The following SPATS2L variants were observed in gnomAD, a reference collection of about 807,000 sequenced individuals.
The protein encoded by SPATS2L is SPATS2-like protein.
Under a neutral mutation model 59.6 loss-of-function variants are expected in SPATS2L, and 30 were observed. The observed-to-expected ratio is 0.50, with a 90% CI of 0.38 to 0.68. The LOEUF (loss-of-function observed/expected upper bound fraction) is 0.68. SPATS2L is among the 30% of genes least tolerant of loss of function. The pLI is 0.00. For missense variants in SPATS2L, 615 were observed against 700.0 expected (o/e 0.88, Z 1.37); for synonymous variants, 252 against 263.5 (o/e 0.96, Z 0.42).
chr2:200,326,483 T>A (rs1020899182), intron 1 of SPATS2L, among the ~76,000 whole-genome samples: 2 of 152,354 alleles, frequency 1.3e-5, no homozygotes, highest in African/African-American at 4.8e-5. Context: ...TTAAGAAAGC[T>A]ATTTATCCAA....
intron 9 of SPATS2L, 151 bp from the exon 10 acceptor site, chr2:200,467,139 G>C: frequency 1.6e-6 from 1 of 614,742 alleles, no homozygotes; most frequent in Non-Finnish European, 3.0e-6. Context: ...TAGGCACAGA[G>C]GGTGAACCCG....
intron 12 of SPATS2L, among the ~76,000 whole-genome samples, chr2:200,473,869 G>A (rs1374589148): frequency 1.4e-5 from 2 of 146,152 alleles, no homozygotes; most frequent in African/African-American, 2.4e-5. Context: ...GCATGGTGGC[G>A]GGTGCCTGTA....
rs370710854 is a variant in SPATS2L, at chr2:200,472,977, G to T, written c.1206G>T (p.Ala402=). 3 of 1,613,694 alleles carry T rather than the reference G, an allele frequency of 1.9e-6. No homozygotes were observed. The highest frequency in any genetic ancestry group is 2.5e-6 in the Non-Finnish European group (3 of 1,179,854). The change falls in exon 12 of 13, where the codon GCG becomes GCT. Residue 402 remains alanine (A), a synonymous_variant. Coordinates refer to ENST00000409140, the MANE Select transcript of SPATS2L (RefSeq NM_001100423.2). ...STHNKPSEGK[A]ANPKMVSSLP... ...ACAATAAGCCCTCTGAAGGCAAAGC[G>T]GCAAACCCCAAAATGGTGAGCAGTC...
At chr2:200,411,091 T>G (rs1433049840) in intron 3 of SPATS2L, among the ~76,000 whole-genome samples, 3 of 151,296 alleles carry the variant, frequency 2.0e-5, no homozygotes, top group Admixed American at 2.0e-4. Context: ...TTATAAAATG[T>G]CAAGATTCAA....
intron 6 of SPATS2L, among the ~76,000 whole-genome samples, chr2:200,435,108 A>G (rs999143796): frequency 2.6e-5 from 4 of 152,176 alleles, no homozygotes; most frequent in Non-Finnish European, 5.9e-5. Context: ...CATTTTACAT[A>G]CTAGTTATTA....
At chr2:200,441,329 GTA>G (rs2084684204) in intron 8 of SPATS2L, among the ~76,000 whole-genome samples, 1 of 152,092 alleles carries the variant, frequency 6.6e-6, no homozygotes, top group South Asian at 2.1e-4. Flanking sequence ...TTTGAACCCT[GTA>G]TATTTGCTCA....
chr2:200,316,471 C>T (rs1426053881), intron 1 of SPATS2L, among the ~76,000 whole-genome samples: 6 of 152,212 alleles, frequency 3.9e-5, no homozygotes, highest in Non-Finnish European at 5.9e-5. Flanking sequence ...CTCCCTCATT[C>T]GCAGGATCTA....
intron 2 of SPATS2L, among the ~76,000 whole-genome samples, chr2:200,375,819 G>A (rs1315631627): frequency 1.3e-5 from 2 of 152,054 alleles, no homozygotes; most frequent in East Asian, 3.9e-4. Flanking sequence ...TAGAGACAGG[G>A]TTTCACCGTG....
chr2:200,360,985 G>GTGTGTGTGTGTGTGTGTGAC (rs2081081688), intron 2 of SPATS2L, among the ~76,000 whole-genome samples: 1 of 151,166 alleles, frequency 6.6e-6, no homozygotes, highest in Non-Finnish European at 1.5e-5. Flanking sequence ...GTGTGTGTGT[G>GTGTGTGTGTGTGTGTGTGAC]TGTGTGTGTG....
At chr2:200,412,454 A>G in intron 4 of SPATS2L, 35 bp downstream of exon 4, 1 of 1,225,414 alleles carries the variant, frequency 8.2e-7, no homozygotes, top group Non-Finnish European at 1.2e-6. Context: ...TGAAGATGTT[A>G]GACTTAAATA....
At chr2:200,379,668 T>C (rs907955246) in intron 2 of SPATS2L, among the ~76,000 whole-genome samples, 1 of 152,004 alleles carries the variant, frequency 6.6e-6, no homozygotes, top group Admixed American at 6.6e-5. Context: ...CCTCTGGGAT[T>C]TGGGATTTGC....
intron 2 of SPATS2L, among the ~76,000 whole-genome samples, chr2:200,388,823 G>A (rs891601737): frequency 1.1e-4 from 17 of 152,180 alleles, no homozygotes; most frequent in African/African-American, 3.4e-4. Flanking sequence ...TTCAATAAAT[G>A]TTTGTTAGAT....
intron 1 of SPATS2L, among the ~76,000 whole-genome samples, chr2:200,319,430 T>C (rs2079485987): frequency 6.6e-6 from 1 of 152,130 alleles, no homozygotes; most frequent in African/African-American, 2.4e-5. Context: ...CTGAGCATGG[T>C]GGCGTATGCC....
chr2:200,331,161 C>T (rs59713717), intron 2 of SPATS2L, among the ~76,000 whole-genome samples: 178 of 152,248 alleles, frequency 1.2e-3, no homozygotes, highest in African/African-American at 4.3e-3. Context: ...TGTCCGAATT[C>T]AATTATGAAG....
intron 2 of SPATS2L, among the ~76,000 whole-genome samples, chr2:200,354,646 T>G (rs2080853440): frequency 6.6e-6 from 1 of 151,974 alleles, no homozygotes; most frequent in African/African-American, 2.4e-5. Context: ...TTCTTCCCAC[T>G]TACCCACTTC....
intron 3 of SPATS2L, among the ~76,000 whole-genome samples, chr2:200,400,522 C>A (rs2082492827): frequency 6.6e-6 from 1 of 152,108 alleles, no homozygotes; most frequent in Non-Finnish European, 1.5e-5. Context: ...ATTTAAACTT[C>A]CCAGTGTCAG....
intron 2 of SPATS2L, among the ~76,000 whole-genome samples, chr2:200,332,646 T>C (rs544193923): frequency 6.6e-6 from 1 of 152,246 alleles, no homozygotes; most frequent in African/African-American, 2.4e-5. Flanking sequence ...ATCTAGTAAT[T>C]TAATGAACTT....
At chr2:200,459,871 C>G in intron 9 of SPATS2L, 44 bp downstream of exon 9, 1 of 1,412,992 alleles carries the variant, frequency 7.1e-7, no homozygotes, top group East Asian at 2.3e-5. Context: ...GCTTCCCAAT[C>G]AGAAGCAATC....
At position 200,342,985 on chromosome 2, in the gene SPATS2L, T is replaced by C. The variant is rs971241544; in HGVS notation, c.-23+13505T>C. ...ATAAAAAAATTTCAAATAAAATGTG[T>C]GGTCTGACAATACATTCTACTTTCT... On this transcript the variant is annotated intron_variant, in intron 2 of 12. Coordinates refer to ENST00000409140, the MANE Select transcript of SPATS2L (RefSeq NM_001100423.2). Among the ~76,000 whole-genome samples, 3 of 152,226 alleles carry C rather than the reference T, an allele frequency of 2.0e-5. No individual in the cohort carries two copies. In the East Asian group the frequency reaches 5.8e-4, roughly 29 times the overall value.
Sources: gnomAD v4.1 joint callset for allele counts (sites outside exome capture counted in the v4.1 genomes callset) on GRCh38, gnomAD v4.1.1 for gene constraint, MANE v1.5 for transcripts, NCBI Gene and HGNC (gene_info 2026-07-23, HGNC 2026-07-21) for gene names.